Variants in TRAF3IP3 observed in about 807,000 individuals in gnomAD.
TRAF3IP3 encodes the protein TRAF3-interacting JNK-activating modulator.
A neutral mutation model predicts 86.5 loss-of-function variants in TRAF3IP3; 64 were observed. The ratio of observed to expected loss-of-function variants is 0.74; its 90% CI spans 0.60 to 0.91. The LOEUF (loss-of-function observed/expected upper bound fraction) is 0.91, where lower values mean the gene tolerates loss of function less well. Ranked by LOEUF, TRAF3IP3 falls within the 40% of genes least tolerant of loss-of-function variation. TRAF3IP3 has a pLI of 0.00. For missense variants in TRAF3IP3, 579 were observed against 642.9 expected (o/e 0.90, Z 1.07); for synonymous variants, 220 against 243.9 (o/e 0.90, Z 0.91).
intron 8 of TRAF3IP3, chr1:209,768,652 C>T (rs2077402073): frequency 1.0e-6 from 1 of 985,566 alleles, no homozygotes; most frequent in African/African-American, 1.7e-5. Context: ...GACCTCAGAC[C>T]GGCACCAGGT....
chr1:209,768,867 G>A (rs939814867), intron 8 of TRAF3IP3, among the ~76,000 whole-genome samples: 3 of 152,200 alleles, frequency 2.0e-5, no homozygotes, highest in African/African-American at 7.2e-5. Context: ...CAACTTGGCT[G>A]CGACTTTTAT....
At chr1:209,770,514 T>C (rs1024951325) in intron 8 of TRAF3IP3, among the ~76,000 whole-genome samples, 1 of 143,204 alleles carries the variant, frequency 7.0e-6, no homozygotes, top group Non-Finnish European at 1.5e-5. Flanking sequence ...TGAAAGTATG[T>C]GTGTGCAGGT....
intron 8 of TRAF3IP3, among the ~76,000 whole-genome samples, chr1:209,765,209 GA>G (rs1183835153): frequency 4.4e-5 from 6 of 136,626 alleles, no homozygotes; most frequent in South Asian, 2.5e-4. Flanking sequence ...GAGAGAGAGA[GA>G]GAGGGAGAGA....
At chr1:209,763,210 G>A in intron 6 of TRAF3IP3, 118 bp downstream of exon 6, 2 of 1,384,840 alleles carry the variant, frequency 1.4e-6, no homozygotes, top group South Asian at 2.3e-5. Flanking sequence ...ATGGCAAGGG[G>A]GTACTGAGCA....
At chr1:209,757,835 G>A (rs1368752689) in intron 1 of TRAF3IP3, among the ~76,000 whole-genome samples, 4 of 152,160 alleles carry the variant, frequency 2.6e-5, no homozygotes, top group South Asian at 2.1e-4. Context: ...TCCATGCCAG[G>A]TGCATGGCCT....
At chr1:209,780,312 TG>T in intron 14 of TRAF3IP3, 157 bp from the exon 15 acceptor site, 1 of 574,138 alleles carries the variant, frequency 1.7e-6, no homozygotes, top group Non-Finnish European at 2.8e-6. Context: ...AGGGGCCTAC[TG>T]GAAGTTAACC....
chr1:209,760,107 G>A lies in TRAF3IP3; in HGVS notation c.68G>A (p.Cys23Tyr), dbSNP rs776202729. The A allele has an allele frequency of 2.5e-6, 4 of 1,614,180 alleles. 1 individual carries two copies. In the South Asian group the frequency reaches 4.4e-5, roughly 18 times the overall value. Residue 23 changes from cysteine (C) to tyrosine (Y), a missense_variant, in exon 3 of 17, where the codon TGT (cysteine) becomes TAT (tyrosine). By Grantham distance (194) the Cys-to-Tyr change is radical. Coordinates refer to ENST00000367025, the MANE Select transcript of TRAF3IP3 (RefSeq NM_025228.4). ...TGGGCTGAGAGCTATGAGGCCAAGTGTGAGCGCAGGCAAGAGATCCGTGAA... is the reference window on the plus strand; with the variant it reads ...TGGGCTGAGAGCTATGAGGCCAAGTATGAGCGCAGGCAAGAGATCCGTGAA... ...ARWAESYEAK[C>Y]ERRQEIRESR...
At chr1:209,771,967 G>A (rs1300868750) in intron 8 of TRAF3IP3, among the ~76,000 whole-genome samples, 1 of 147,330 alleles carries the variant, frequency 6.8e-6, no homozygotes, top group African/African-American at 2.5e-5. Context: ...AGGTGTGTGT[G>A]TGCAGGTGGA....
rs375415223 is a variant in TRAF3IP3 at position 209,765,178 on chromosome 1, G to GGAGAGA, written c.702+1621_702+1626dup. On this transcript the variant is annotated intron_variant, in intron 8 of 16. Coordinates refer to ENST00000367025, the MANE Select transcript of TRAF3IP3 (RefSeq NM_025228.4). ...TGACAGAGCAGGACTCTGAGAGACAGGAGAGAGAGAGAGAGAGAGAGAGAG... is the reference window on the plus strand; with the variant it reads ...TGACAGAGCAGGACTCTGAGAGACAGGAGAGAGAGAGAGAGAGAGAGAGAGAGAGAG... Among the ~76,000 whole-genome samples, 27 of 87,866 alleles carry GGAGAGA rather than the reference G, an allele frequency of 3.1e-4. 1 individual carries two copies. Among genetic ancestry groups the GGAGAGA allele is most frequent in the East Asian group, 1.2e-3 (3 of 2,536 alleles). 57.6% of individuals were successfully genotyped at this position (87,866 alleles called of 152,430 possible).
At chr1:209,760,527 T>C (rs552614314) in intron 3 of TRAF3IP3, 143 bp downstream of exon 3, 97 of 701,988 alleles carry the variant, frequency 1.4e-4, no homozygotes, top group Non-Finnish European at 2.2e-4. Flanking sequence ...AAGAGCTACT[T>C]ATAGTAAAGT....
intron 8 of TRAF3IP3, among the ~76,000 whole-genome samples, chr1:209,772,113 G>T (rs528209310): frequency 6.6e-6 from 1 of 152,128 alleles, no homozygotes; most frequent in Admixed American, 6.5e-5. Flanking sequence ...GGCAGGGAGG[G>T]GAGTGTATTA....
chr1:209,777,339 C>A lies in TRAF3IP3; in HGVS notation c.1054-13C>A, dbSNP rs901423562. The A allele has an allele frequency of 2.5e-6, 4 of 1,611,546 alleles. No individual in the cohort carries two copies. The highest frequency in any genetic ancestry group is 1.7e-5 in the Admixed American group (1 of 59,906). ...TGACCTCCTTCTATATTGGCCCTTC[C>A]TCCTCCTTACAGGGAGCAGATAGCA... On this transcript the variant is annotated splice_polypyrimidine_tract_variant and intron_variant, in intron 11 of 16. Transcript: ENST00000367025.
chr1:209,773,868 C>A (rs1286952929), intron 9 of TRAF3IP3, among the ~76,000 whole-genome samples: 1 of 152,220 alleles, frequency 6.6e-6, no homozygotes, highest in African/African-American at 2.4e-5. Context: ...GGGAATAACA[C>A]ATAACCAGTG....
At chr1:209,775,932 A>C in intron 11 of TRAF3IP3, 196 bp downstream of exon 11, 3 of 540,712 alleles carry the variant, frequency 5.5e-6, no homozygotes, top group Non-Finnish European at 9.8e-6. Flanking sequence ...GGATGTCTGC[A>C]TTGCTCATGC....
chr1:209,766,282 G>A (rs528213914), intron 8 of TRAF3IP3, among the ~76,000 whole-genome samples: 9 of 152,272 alleles, frequency 5.9e-5, no homozygotes, highest in South Asian at 4.1e-4. Flanking sequence ...AGCTGTGCAC[G>A]TGAGGTGGTT....
chr1:209,770,931 TGCAG>T (rs2077481587), intron 8 of TRAF3IP3, among the ~76,000 whole-genome samples: 1 of 138,882 alleles, frequency 7.2e-6, no homozygotes, highest in Non-Finnish European at 1.5e-5. Context: ...GGTGTGCGTG[TGCAG>T]GTGGAGGTGT....
At chr1:209,766,898 C>G (rs1401107680) in intron 8 of TRAF3IP3, among the ~76,000 whole-genome samples, 1 of 152,062 alleles carries the variant, frequency 6.6e-6, no homozygotes, top group Non-Finnish European at 1.5e-5. Flanking sequence ...ACCATTTTAG[C>G]TGAATCTTGA....
chr1:209,773,405 T>C (rs2077588046), intron 9 of TRAF3IP3, among the ~76,000 whole-genome samples: 1 of 152,226 alleles, frequency 6.6e-6, no homozygotes, highest in South Asian at 2.1e-4. Context: ...TATAATGAAG[T>C]CTTACAAAAT....
chr1:209,780,902 T>G (rs1034150339), intron 15 of TRAF3IP3: 1 of 204,910 alleles, frequency 4.9e-6, no homozygotes, highest in African/African-American at 2.3e-5. Context: ...ACATTGAGTA[T>G]CTTAAGTCTT....
Sources: allele counts gnomAD v4.1 joint callset (sites outside exome capture counted in the v4.1 genomes callset), GRCh38; gene constraint gnomAD v4.1.1; transcripts MANE v1.5; gene names NCBI Gene and HGNC (gene_info 2026-07-23, HGNC 2026-07-21).